The following RBPMS variants were observed in gnomAD, a reference collection of about 807,000 sequenced individuals.
RBPMS encodes RNA-binding protein with multiple splicing.
In RBPMS, 7 loss-of-function variants were observed where a neutral mutation model predicts 26.8. The ratio of observed to expected loss-of-function variants is 0.26; its 90% CI spans 0.15 to 0.49. The LOEUF (loss-of-function observed/expected upper bound fraction) is 0.49, where lower values mean the gene tolerates loss of function less well. RBPMS is among the 20% of genes least tolerant of loss of function. The pLI, the probability that RBPMS is intolerant of heterozygous loss-of-function variation, is 0.98. For missense variants in RBPMS, 186 were observed against 250.0 expected (o/e 0.74, Z 1.73); for synonymous variants, 96 against 93.3 (o/e 1.03, Z -0.17).
At chr8:30,531,743 C>T (rs749848059) in intron 5 of RBPMS, among the ~76,000 whole-genome samples, 3 of 152,050 alleles carry the variant, frequency 2.0e-5, no homozygotes, top group Non-Finnish European at 4.4e-5. Flanking sequence ...AAAATTTGGG[C>T]CTTGTTATGG....
At chr8:30,520,884 A>G (rs2150984970) in intron 5 of RBPMS, among the ~76,000 whole-genome samples, 1 of 152,152 alleles carries the variant, frequency 6.6e-6, no homozygotes, top group African/African-American at 2.4e-5. Context: ...GAACACTGGG[A>G]TTACTAGTGG....
chr8:30,512,534 C>T (rs1288015836), intron 5 of RBPMS, among the ~76,000 whole-genome samples: 2 of 151,980 alleles, frequency 1.3e-5, no homozygotes, highest in Non-Finnish European at 1.5e-5. Flanking sequence ...GGCTGGAGTA[C>T]AGTGGTGCAA....
chr8:30,427,128 C>T (rs920469169), intron 1 of RBPMS, among the ~76,000 whole-genome samples: 4 of 152,126 alleles, frequency 2.6e-5, no homozygotes, highest in Non-Finnish European at 4.4e-5. Flanking sequence ...GCCTGGGCCT[C>T]GTGGCTCTAA....
intron 7 of RBPMS, chr8:30,561,954 A>T: frequency 2.0e-6 from 2 of 985,346 alleles, no homozygotes; most frequent in Non-Finnish European, 2.4e-6. Context: ...ACCCTTCAGC[A>T]ATGGCTACTA....
chr8:30,420,614 G>C (rs753849110), intron 1 of RBPMS, among the ~76,000 whole-genome samples: 21 of 152,216 alleles, frequency 1.4e-4, no homozygotes, highest in Non-Finnish European at 2.2e-4. Context: ...TGGCTGGACT[G>C]ATTGCATGTG....
At chr8:30,545,732 ATTG>A (rs1380093471) in intron 6 of RBPMS, 1 of 152,066 alleles carries the variant, frequency 6.6e-6, no homozygotes, top group Non-Finnish European at 1.5e-5. Flanking sequence ...TGGGGTCGAG[ATTG>A]TTGTTGGCTG....
chr8:30,534,182 A>C (rs1824564314), intron 5 of RBPMS, among the ~76,000 whole-genome samples: 1 of 152,084 alleles, frequency 6.6e-6, no homozygotes, highest in South Asian at 2.1e-4. Flanking sequence ...ACAGAAACTC[A>C]GTTTGGAGGC....
chr8:30,441,087 G>A (rs1453316143), intron 1 of RBPMS, among the ~76,000 whole-genome samples: 1 of 152,008 alleles, frequency 6.6e-6, no homozygotes, highest in Non-Finnish European at 1.5e-5. Context: ...CACAGTGCTG[G>A]AACTACAGGA....
At chr8:30,567,815 G>A (rs962983081) in intron 8 of RBPMS, among the ~76,000 whole-genome samples, 6 of 152,226 alleles carry the variant, frequency 3.9e-5, no homozygotes, top group East Asian at 1.9e-4. Context: ...CTGAGAGAGC[G>A]GCAGCAGCCA....
intron 1 of RBPMS, among the ~76,000 whole-genome samples, chr8:30,387,945 T>G (rs954181321): frequency 1.3e-5 from 2 of 152,168 alleles, no homozygotes; most frequent in African/African-American, 4.8e-5. Flanking sequence ...TGGAAGTTTT[T>G]GAGAACTTTG....
chr8:30,489,487 G>T (rs897027163), intron 4 of RBPMS, among the ~76,000 whole-genome samples: 2 of 151,786 alleles, frequency 1.3e-5, no homozygotes, highest in East Asian at 1.9e-4. Flanking sequence ...AGACAGTCTC[G>T]CTCTGTCGCC....
intron 1 of RBPMS, among the ~76,000 whole-genome samples, chr8:30,437,071 C>T (rs1045962546): frequency 1.3e-5 from 2 of 151,612 alleles, no homozygotes; most frequent in African/African-American, 2.4e-5. Flanking sequence ...TATAGGCGCC[C>T]GCCACCATGC....
chr8:30,417,318 T>G (rs1254686243), intron 1 of RBPMS, among the ~76,000 whole-genome samples: 1 of 152,190 alleles, frequency 6.6e-6, no homozygotes, highest in Non-Finnish European at 1.5e-5. Flanking sequence ...CTGTTTTTTC[T>G]TAGAGCCTTC....
At chr8:30,562,703 G>A (rs974944285) in intron 7 of RBPMS, among the ~76,000 whole-genome samples, 5 of 152,152 alleles carry the variant, frequency 3.3e-5, no homozygotes, top group African/African-American at 4.8e-5. Flanking sequence ...AATGAAAGGC[G>A]CATACCATTC....
At chr8:30,457,046 T>C (rs1815303431) in intron 1 of RBPMS, among the ~76,000 whole-genome samples, 1 of 152,214 alleles carries the variant, frequency 6.6e-6, no homozygotes, top group Admixed American at 6.5e-5. Context: ...TGAGAACTGT[T>C]TGCCTGCACA....
intron 4 of RBPMS, among the ~76,000 whole-genome samples, chr8:30,486,374 A>AG (rs537170102): frequency 1.3e-5 from 2 of 150,764 alleles, no homozygotes; most frequent in African/African-American, 4.9e-5. Flanking sequence ...TAAAAAAAAA[A>AG]CAAAAAACAG....
intron 1 of RBPMS, among the ~76,000 whole-genome samples, chr8:30,457,981 C>G (rs549739830): frequency 6.6e-6 from 1 of 152,122 alleles, no homozygotes; most frequent in Non-Finnish European, 1.5e-5. Context: ...GTGGGGGGAT[C>G]GGTTCCAGGA....
At chr8:30,437,172 C>T (rs1383464130) in intron 1 of RBPMS, among the ~76,000 whole-genome samples, 2 of 151,646 alleles carry the variant, frequency 1.3e-5, no homozygotes, top group South Asian at 2.1e-4. Flanking sequence ...CCGCCTGCCT[C>T]GGCCTCCCAA....
At chr8:30,523,445 T>C (rs1823263411) in intron 5 of RBPMS, among the ~76,000 whole-genome samples, 1 of 151,668 alleles carries the variant, frequency 6.6e-6, no homozygotes, top group Non-Finnish European at 1.5e-5. Flanking sequence ...GCTGTAATAG[T>C]AGGAATACAA....
Sources: allele counts gnomAD v4.1 joint callset (sites outside exome capture counted in the v4.1 genomes callset), GRCh38; gene constraint gnomAD v4.1.1; transcripts MANE v1.5; gene names NCBI Gene and HGNC (gene_info 2026-07-23, HGNC 2026-07-21).